Variants in FBXL7 observed in about 807,000 individuals in gnomAD.
FBXL7 encodes the protein F-box/LRR-repeat protein 7.
In FBXL7, 12 loss-of-function variants were observed where a neutral mutation model predicts 38.3. The observed-to-expected ratio is 0.31, with a 90% CI of 0.20 to 0.51. The LOEUF (loss-of-function observed/expected upper bound fraction) is 0.51. Ranked by LOEUF, FBXL7 falls within the 20% of genes least tolerant of loss-of-function variation. FBXL7 has a pLI of 0.98. For missense variants in FBXL7, 567 were observed against 676.4 expected (o/e 0.84, Z 1.79); for synonymous variants, 297 against 300.9 (o/e 0.99, Z 0.13).
At chr5:15,868,708 C>T (rs1739822799) in intron 2 of FBXL7, among the ~76,000 whole-genome samples, 1 of 152,150 alleles carries the variant, frequency 6.6e-6, no homozygotes, top group African/African-American at 2.4e-5. Context: ...AAGGATCTCC[C>T]CGCAGATGTC....
chr5:15,867,744 C>T (rs1291573735), intron 2 of FBXL7, among the ~76,000 whole-genome samples: 1 of 152,144 alleles, frequency 6.6e-6, no homozygotes, highest in Non-Finnish European at 1.5e-5. Flanking sequence ...AGAAACACAA[C>T]CACAACAAAG....
At chr5:15,504,487 G>A (rs912431301) in intron 1 of FBXL7, among the ~76,000 whole-genome samples, 1 of 152,116 alleles carries the variant, frequency 6.6e-6, no homozygotes, top group Non-Finnish European at 1.5e-5. Flanking sequence ...TAGATCAAAG[G>A]TATGTGTAAA....
At chr5:15,677,851 T>G (rs535233581) in intron 2 of FBXL7, among the ~76,000 whole-genome samples, 1 of 152,248 alleles carries the variant, frequency 6.6e-6, no homozygotes, top group African/African-American at 2.4e-5. Context: ...TTTCTGGTCT[T>G]TTTAAGGTCT....
intron 2 of FBXL7, among the ~76,000 whole-genome samples, chr5:15,802,634 C>G (rs946880395): frequency 1.3e-5 from 2 of 151,742 alleles, no homozygotes; most frequent in East Asian, 3.9e-4. Flanking sequence ...GCACTGCTCT[C>G]TCTCAGCACC....
chr5:15,665,255 G>A (rs948550919), intron 2 of FBXL7, among the ~76,000 whole-genome samples: 4 of 152,244 alleles, frequency 2.6e-5, no homozygotes, highest in South Asian at 4.1e-4. Flanking sequence ...CCTGGGGGAG[G>A]CCAGTGAAAA....
chr5:15,560,045 AC>A (rs1217664416), intron 1 of FBXL7, among the ~76,000 whole-genome samples: 3 of 152,192 alleles, frequency 2.0e-5, no homozygotes, highest in Non-Finnish European at 4.4e-5. Flanking sequence ...AAGGCATCTT[AC>A]AAATATTTGT....
At chr5:15,924,308 T>A (rs1473617236) in intron 2 of FBXL7, among the ~76,000 whole-genome samples, 1 of 152,210 alleles carries the variant, frequency 6.6e-6, no homozygotes. Flanking sequence ...TAACATATAC[T>A]TCCATTCAAT....
chr5:15,807,602 T>C (rs1737748156), intron 2 of FBXL7, among the ~76,000 whole-genome samples: 1 of 152,214 alleles, frequency 6.6e-6, no homozygotes, highest in South Asian at 2.1e-4. Context: ...AGAACTTAAT[T>C]GCAAACTGTT....
chr5:15,763,481 G>A (rs1211000704), intron 2 of FBXL7, among the ~76,000 whole-genome samples: 2 of 152,132 alleles, frequency 1.3e-5, no homozygotes, highest in African/African-American at 4.8e-5. Flanking sequence ...AATTTTTGGC[G>A]AGTTCCAGGT....
intron 2 of FBXL7, among the ~76,000 whole-genome samples, chr5:15,848,623 GC>G (rs1738995060): frequency 2.0e-5 from 3 of 152,142 alleles, no homozygotes; most frequent in African/African-American, 7.2e-5. Context: ...CTCGTGATCT[GC>G]CTGCCTCAGT....
chr5:15,758,723 G>A (rs1736364443), intron 2 of FBXL7, among the ~76,000 whole-genome samples: 1 of 152,112 alleles, frequency 6.6e-6, no homozygotes, highest in African/African-American at 2.4e-5. Context: ...CCACAGCAAG[G>A]TGTTTAAGGG....
At chr5:15,723,866 T>G (rs533930096) in intron 2 of FBXL7, among the ~76,000 whole-genome samples, 3 of 152,362 alleles carry the variant, frequency 2.0e-5, no homozygotes, top group African/African-American at 7.2e-5. Flanking sequence ...GGGTAGTTTC[T>G]GTTTTTTGTT....
intron 2 of FBXL7, among the ~76,000 whole-genome samples, chr5:15,820,956 C>T (rs1216897319): frequency 6.6e-6 from 1 of 152,162 alleles, no homozygotes; most frequent in African/African-American, 2.4e-5. Flanking sequence ...CTCCACCACC[C>T]CGCAAATCCC....
At chr5:15,923,516 A>G (rs771504167) in intron 2 of FBXL7, among the ~76,000 whole-genome samples, 12 of 152,186 alleles carry the variant, frequency 7.9e-5, no homozygotes, top group Non-Finnish European at 8.8e-5. Context: ...ATGTAAATAC[A>G]TATATATGTA....
intron 2 of FBXL7, among the ~76,000 whole-genome samples, chr5:15,814,653 T>A (rs527313152): frequency 1.3e-5 from 2 of 152,224 alleles, no homozygotes; most frequent in African/African-American, 4.8e-5. Flanking sequence ...TTTTTAATGG[T>A]AGAATTTAAA....
chr5:15,653,643 T>A (rs1208228675), intron 2 of FBXL7, among the ~76,000 whole-genome samples: 1 of 152,202 alleles, frequency 6.6e-6, no homozygotes, highest in East Asian at 1.9e-4. Flanking sequence ...CACTTAAGCT[T>A]TTGAGGAGCA....
chr5:15,880,660 G>A (rs796598978), intron 2 of FBXL7, among the ~76,000 whole-genome samples: 5 of 149,350 alleles, frequency 3.3e-5, no homozygotes, highest in African/African-American at 1.2e-4. Flanking sequence ...AAAAAACCTG[G>A]CCTTTTAATG....
At chr5:15,912,531 G>T (rs549303600) in intron 2 of FBXL7, among the ~76,000 whole-genome samples, 2 of 149,596 alleles carry the variant, frequency 1.3e-5, no homozygotes, top group Non-Finnish European at 2.9e-5. Flanking sequence ...GTTCCTATTT[G>T]GCCATCTTGG....
intron 1 of FBXL7, among the ~76,000 whole-genome samples, chr5:15,540,710 A>C (rs577935193): frequency 6.6e-6 from 1 of 152,270 alleles, no homozygotes; most frequent in African/African-American, 2.4e-5. Flanking sequence ...TCAGGGAACC[A>C]GCGTGGTCAG....
Sources: gnomAD v4.1 joint callset for allele counts (sites outside exome capture counted in the v4.1 genomes callset) on GRCh38, gnomAD v4.1.1 for gene constraint, MANE v1.5 for transcripts, NCBI Gene and HGNC (gene_info 2026-07-23, HGNC 2026-07-21) for gene names.